Variants in LCORL observed in about 807,000 individuals in gnomAD.
LCORL encodes ligand dependent nuclear receptor corepressor like, also known as ligand-dependent nuclear receptor corepressor-like protein.
Under a neutral mutation model 141.8 loss-of-function variants are expected in LCORL, and 41 were observed. The ratio of observed to expected loss-of-function variants is 0.29; its 90% CI spans 0.23 to 0.38. The LOEUF (loss-of-function observed/expected upper bound fraction) is 0.38. Ranked by LOEUF, LCORL falls within the 10% of genes least tolerant of loss-of-function variation. The pLI is 1.00. For missense variants in LCORL, 1,759 were observed against 2,035.0 expected, an observed-to-expected ratio of 0.86 and a Z score of 2.61; for synonymous variants, 618 against 694.1, an observed-to-expected ratio of 0.89 and a Z score of 1.72.
chr4:17,896,407 C>T (rs1729933968), intron 5 of LCORL, among the ~76,000 whole-genome samples: 1 of 152,136 alleles, frequency 6.6e-6, no homozygotes, highest in Non-Finnish European at 1.5e-5. Context: ...TTTCAGCCTC[C>T]CAAATAGCTC....
chr4:17,993,620 G>A (rs1026752535), intron 1 of LCORL, among the ~76,000 whole-genome samples: 22 of 152,246 alleles, frequency 1.4e-4, no homozygotes, highest in Non-Finnish European at 1.5e-5. Context: ...CACAGATCCT[G>A]AGGAGCCTAG....
chr4:17,930,828 A>T (rs894402266), intron 4 of LCORL, among the ~76,000 whole-genome samples: 1 of 152,218 alleles, frequency 6.6e-6, no homozygotes, highest in African/African-American at 2.4e-5. Context: ...CATGATTTTT[A>T]TCTAGATTAA....
intron 5 of LCORL, among the ~76,000 whole-genome samples, chr4:17,892,964 G>A (rs1451956034): frequency 6.6e-6 from 1 of 152,152 alleles, no homozygotes; most frequent in Non-Finnish European, 1.5e-5. Context: ...CATAGTGGAA[G>A]ACTTTAGATT....
intron 1 of LCORL, among the ~76,000 whole-genome samples, chr4:18,006,810 A>G: frequency 6.6e-6 from 1 of 152,194 alleles, no homozygotes; most frequent in Non-Finnish European, 1.5e-5. Flanking sequence ...ACAATTCAAG[A>G]TGAGATTTGG....
At chr4:17,946,373 G>A (rs1738878663) in intron 4 of LCORL, among the ~76,000 whole-genome samples, 2 of 151,930 alleles carry the variant, frequency 1.3e-5, no homozygotes, top group Non-Finnish European at 2.9e-5. Context: ...TGCATGTAAT[G>A]TGTATAAACA....
At chr4:17,959,884 C>CTTTAAGT (rs1713439798) in intron 4 of LCORL, among the ~76,000 whole-genome samples, 1 of 152,076 alleles carries the variant, frequency 6.6e-6, no homozygotes, top group African/African-American at 2.4e-5. Flanking sequence ...AGAAGTATTT[C>CTTTAAGT]CTGTCTTTAA....
chr4:17,871,470 T>A (rs1289124852), intron 7 of LCORL, among the ~76,000 whole-genome samples: 1 of 151,998 alleles, frequency 6.6e-6, no homozygotes, highest in Non-Finnish European at 1.5e-5. Context: ...GATGATTTCA[T>A]ATTTAGTGGG....
intron 7 of LCORL, among the ~76,000 whole-genome samples, chr4:17,862,112 C>A (rs544702882): frequency 6.6e-6 from 1 of 152,286 alleles, no homozygotes; most frequent in African/African-American, 2.4e-5. Context: ...TTCAGCAGCA[C>A]CCCACTCTTG....
intron 5 of LCORL, among the ~76,000 whole-genome samples, chr4:17,900,674 T>C (rs1486043927): frequency 6.6e-6 from 1 of 152,182 alleles, no homozygotes; most frequent in Non-Finnish European, 1.5e-5. Context: ...AAATCATGAT[T>C]AACATAGCTT....
chr4:17,876,818 A>G (rs1354810667), exon 7 of LCORL: 2 of 1,230,566 alleles, frequency 1.6e-6, no homozygotes, highest in Non-Finnish European at 2.0e-6. Flanking sequence ...TCTCAGGGGA[A>G]GTTGTTTTAA....
chr4:17,966,165 T>C (rs1266215109), intron 2 of LCORL, among the ~76,000 whole-genome samples: 1 of 152,152 alleles, frequency 6.6e-6, no homozygotes, highest in Non-Finnish European at 1.5e-5. Flanking sequence ...CATTTTGTTA[T>C]AGATTCTTCT....
intron 1 of LCORL, among the ~76,000 whole-genome samples, chr4:17,976,722 A>T (rs185521685): frequency 4.9e-4 from 74 of 152,296 alleles, no homozygotes; most frequent in Middle Eastern, 3.4e-3. Flanking sequence ...TCAATTTTTT[A>T]AAAAATGTTG....
chr4:17,863,505 C>G (rs1464943961), intron 7 of LCORL, among the ~76,000 whole-genome samples: 1 of 152,000 alleles, frequency 6.6e-6, no homozygotes, highest in Non-Finnish European at 1.5e-5. Context: ...CAGATGCTGG[C>G]AAGGTTGTGG....
intron 1 of LCORL, among the ~76,000 whole-genome samples, chr4:18,003,718 T>C (rs748531395): frequency 2.0e-5 from 3 of 152,218 alleles, no homozygotes; most frequent in Non-Finnish European, 4.4e-5. Context: ...GTAATCACTA[T>C]ATGTCAAAGC....
chr4:17,952,678 G>A (rs1201986632), intron 4 of LCORL, among the ~76,000 whole-genome samples: 1 of 152,114 alleles, frequency 6.6e-6, no homozygotes, highest in African/African-American at 2.4e-5. Flanking sequence ...GCCTCCCAGA[G>A]TGCTGGGATT....
chr4:17,976,254 T>C (rs1716942486), intron 1 of LCORL, among the ~76,000 whole-genome samples: 1 of 152,196 alleles, frequency 6.6e-6, no homozygotes, highest in Admixed American at 6.5e-5. Flanking sequence ...CCATTAAAAT[T>C]GAATGTATTT....
At chr4:17,931,020 T>C (rs935271871) in intron 4 of LCORL, among the ~76,000 whole-genome samples, 1 of 152,204 alleles carries the variant, frequency 6.6e-6, no homozygotes, top group Non-Finnish European at 1.5e-5. Flanking sequence ...ATTTCATCTG[T>C]TTAACTTTTC....
chr4:17,883,197 A>G lies in LCORL; in HGVS notation c.776+2871T>C. ...TCATAGAATGCACTGTCGTGTACTA[A>G]TACTGTATATATTAATTTTTCTTAG... is the stretch of plus-strand genomic sequence containing the variant. On this transcript the variant is annotated intron_variant, in intron 6 of 7. Coordinates refer to ENST00000635767, the Ensembl canonical transcript of LCORL. 3.1e-6 allele frequency: 3 copies of G among 981,432 alleles called. No individual in the cohort carries two copies. The South Asian group carries it at 1.4e-4, about 46-fold the overall frequency. The allele number at this position is 981,432 out of a possible 1,614,324, so 60.8% of individuals were successfully genotyped here.
intron 1 of LCORL, among the ~76,000 whole-genome samples, chr4:18,006,360 A>C (rs1722813081): frequency 6.6e-6 from 1 of 152,098 alleles, no homozygotes; most frequent in Admixed American, 6.6e-5. Flanking sequence ...AAATTTTCCC[A>C]CATTTTCCTG....
Sources: allele counts gnomAD v4.1 joint callset (sites outside exome capture counted in the v4.1 genomes callset), GRCh38; gene constraint gnomAD v4.1.1; transcripts MANE v1.5; gene names NCBI Gene and HGNC (gene_info 2026-07-23, HGNC 2026-07-21).